RSRC1: variants seen among roughly 807,000 people sequenced by gnomAD.
RSRC1 encodes serine/Arginine-related protein 53.
Under a neutral mutation model 49.1 loss-of-function variants are expected in RSRC1, and 39 were observed. The observed-to-expected ratio is 0.79, with a 90% confidence interval of 0.61 to 1.04. The LOEUF is 1.04. RSRC1 is among the 50% of genes least tolerant of loss of function. The pLI, the probability that RSRC1 is intolerant of heterozygous loss-of-function variation, is 0.00. For missense variants in RSRC1, 388 were observed against 402.4 expected, an observed-to-expected ratio of 0.96 and a Z score of 0.31; for synonymous variants, 143 against 130.8, an observed-to-expected ratio of 1.09 and a Z score of -0.63.
chr3:158,363,086 A>G (rs1444827032), intron 6 of RSRC1, among the ~76,000 whole-genome samples: 5 of 152,160 alleles, frequency 3.3e-5, no homozygotes, highest in Non-Finnish European at 5.9e-5. Flanking sequence ...TGTACCTTAT[A>G]GTTTTCAAAG....
chr3:158,196,105 C>T (rs149030973), intron 3 of RSRC1, among the ~76,000 whole-genome samples: 2,670 of 152,172 alleles, frequency 0.018, 40 homozygotes, highest in Non-Finnish European at 0.024. Context: ...GCCATTTTCA[C>T]GATATTGATT....
intron 6 of RSRC1, among the ~76,000 whole-genome samples, chr3:158,432,625 C>T (rs1464345721): frequency 1.3e-5 from 2 of 151,830 alleles, no homozygotes; most frequent in South Asian, 2.1e-4. Flanking sequence ...GGTTAGCTTT[C>T]GTAGTTTTGA....
At chr3:158,532,715 A>T (rs1712475342) in intron 7 of RSRC1, among the ~76,000 whole-genome samples, 1 of 151,852 alleles carries the variant, frequency 6.6e-6, no homozygotes, top group South Asian at 2.1e-4. Flanking sequence ...CCTTCCATTA[A>T]CATCTAGCAG....
intron 6 of RSRC1, among the ~76,000 whole-genome samples, chr3:158,387,152 G>A (rs190036909): frequency 2.0e-5 from 3 of 151,960 alleles, no homozygotes; most frequent in Admixed American, 1.3e-4. Flanking sequence ...CTCTATATAT[G>A]TCTCAAATAC....
chr3:158,446,663 AT>A (rs1332418780), intron 6 of RSRC1, among the ~76,000 whole-genome samples: 1 of 151,976 alleles, frequency 6.6e-6, no homozygotes, highest in Non-Finnish European at 1.5e-5. Context: ...GTGGGACTGA[AT>A]TTAGTTACTT....
At chr3:158,496,798 C>A (rs1739344008) in intron 7 of RSRC1, 2 of 235,408 alleles carry the variant, frequency 8.5e-6, no homozygotes, top group Admixed American at 7.5e-5. Flanking sequence ...CCGTAAGAAA[C>A]TAGGGGAAGA....
chr3:158,137,068 A>T (rs1408228661), intron 3 of RSRC1, among the ~76,000 whole-genome samples: 2 of 152,206 alleles, frequency 1.3e-5, no homozygotes, highest in African/African-American at 2.4e-5. Flanking sequence ...CCATGTATGC[A>T]GTTAATTTTT....
chr3:158,431,500 A>G (rs1008014086), intron 6 of RSRC1, among the ~76,000 whole-genome samples: 5 of 151,884 alleles, frequency 3.3e-5, no homozygotes, highest in Admixed American at 6.6e-5. Flanking sequence ...AAGTTTCTCT[A>G]TTAACTTTAC....
chr3:158,412,443 C>T (rs1250825432), intron 6 of RSRC1, among the ~76,000 whole-genome samples: 1 of 152,114 alleles, frequency 6.6e-6, no homozygotes, highest in East Asian at 1.9e-4. Flanking sequence ...CTTCAAGTGT[C>T]ACCTTCTTTT....
At chr3:158,129,594 C>G (rs1578114404) in intron 3 of RSRC1, among the ~76,000 whole-genome samples, 1 of 152,116 alleles carries the variant, frequency 6.6e-6, no homozygotes, top group African/African-American at 2.4e-5. Context: ...CCTGGCCAGT[C>G]TAGCCCTATT....
intron 6 of RSRC1, among the ~76,000 whole-genome samples, chr3:158,419,266 T>A (rs1266007217): frequency 1.3e-5 from 2 of 152,080 alleles, no homozygotes; most frequent in Non-Finnish European, 2.9e-5. Flanking sequence ...GATACCAGGG[T>A]CTTCCTGATT....
intron 4 of RSRC1, among the ~76,000 whole-genome samples, chr3:158,220,570 C>T (rs1477708057): frequency 6.6e-6 from 1 of 151,558 alleles, no homozygotes; most frequent in East Asian, 1.9e-4. Context: ...TTACCTCTAT[C>T]ATATGTTTAA....
chr3:158,409,315 A>C (rs1197114418), intron 6 of RSRC1, among the ~76,000 whole-genome samples: 1 of 152,150 alleles, frequency 6.6e-6, no homozygotes, highest in Non-Finnish European at 1.5e-5. Flanking sequence ...GAATTCACAA[A>C]ATGCAAAGTG....
At chr3:158,294,471 T>A (rs901831160) in intron 4 of RSRC1, among the ~76,000 whole-genome samples, 4 of 152,164 alleles carry the variant, frequency 2.6e-5, no homozygotes, top group African/African-American at 9.6e-5. Context: ...CTGGATAAGA[T>A]TATTATTTTT....
At chr3:158,330,099 T>G (rs1729458653) in intron 5 of RSRC1, among the ~76,000 whole-genome samples, 1 of 152,186 alleles carries the variant, frequency 6.6e-6, no homozygotes, top group Non-Finnish European at 1.5e-5. Flanking sequence ...AGTATTAGGG[T>G]GGGAGTGACC....
intron 4 of RSRC1, among the ~76,000 whole-genome samples, chr3:158,266,998 A>C (rs1170628664): frequency 6.6e-6 from 1 of 152,206 alleles, no homozygotes; most frequent in Non-Finnish European, 1.5e-5. Context: ...CCCTGAGCTC[A>C]AGTGATCCAT....
chr3:158,239,665 T>C (rs1343409356), intron 4 of RSRC1, among the ~76,000 whole-genome samples: 1 of 152,038 alleles, frequency 6.6e-6, no homozygotes, highest in Non-Finnish European at 1.5e-5. Context: ...ATGGCACATG[T>C]ATGCCTGTGT....
intron 6 of RSRC1, among the ~76,000 whole-genome samples, chr3:158,410,549 T>G (rs1434160784): frequency 6.6e-6 from 1 of 152,180 alleles, no homozygotes; most frequent in Non-Finnish European, 1.5e-5. Flanking sequence ...AATAAGACTT[T>G]TATGGTCAGA....
intron 6 of RSRC1, among the ~76,000 whole-genome samples, chr3:158,458,558 G>A (rs1163508115): frequency 1.3e-5 from 2 of 152,254 alleles, no homozygotes; most frequent in South Asian, 2.1e-4. Flanking sequence ...TGAAGGAAGC[G>A]AAGCCTAGAG....
Sources: allele counts gnomAD v4.1 joint callset (sites outside exome capture counted in the v4.1 genomes callset), GRCh38; gene constraint gnomAD v4.1.1; transcripts MANE v1.5; gene names NCBI Gene and HGNC (gene_info 2026-07-23, HGNC 2026-07-21).